The following KIF27 variants were observed in gnomAD, a reference collection of about 807,000 sequenced individuals.
KIF27 encodes kinesin family member 27.
In KIF27, 84 loss-of-function variants were observed where a neutral mutation model predicts 141.8. That is an observed-to-expected ratio of 0.59 (90% CI 0.50 to 0.71). The LOEUF (loss-of-function observed/expected upper bound fraction) is 0.71, where lower values mean the gene tolerates loss of function less well. Among genes scored for constraint, KIF27 ranks in the 30% least tolerant of loss-of-function variants. The probability of loss-of-function intolerance (pLI) is 0.00; values close to 1 mark genes in which losing one functional copy is unlikely to be tolerated. For missense variants in KIF27, 1,306 were observed against 1,628.4 expected, an observed-to-expected ratio of 0.80 and a Z score of 3.41; for synonymous variants, 471 against 569.5, an observed-to-expected ratio of 0.83 and a Z score of 2.46.
intron 1 of KIF27, among the ~76,000 whole-genome samples, chr9:83,917,525 A>C (rs897556686): frequency 2.0e-4 from 30 of 152,244 alleles, no homozygotes; most frequent in African/African-American, 7.0e-4. Flanking sequence ...GAAAAAGAAC[A>C]AAGTAAGAGG....
At chr9:83,919,910 A>C (rs1453306320) in intron 1 of KIF27, among the ~76,000 whole-genome samples, 1 of 151,536 alleles carries the variant, frequency 6.6e-6, no homozygotes, top group Non-Finnish European at 1.5e-5. Context: ...TTATAAAGGC[A>C]ACTGAAACTT....
rs147844470 is a variant in KIF27 at position 83,897,168 on chromosome 9, G to C, written c.1602+2493C>G. On this transcript the variant is annotated intron_variant, in intron 5 of 17. Transcript: ENST00000297814. ...GAACAACCAAGACATCTGGGGAGTG[G>C]GGAGGGAAGAAGAAAAGCAGAAGGC... is the stretch of plus-strand genomic sequence containing the variant. 8.6e-5 allele frequency among the ~76,000 whole-genome samples: 13 copies of C among 151,976 alleles called. No individual in the cohort carries two copies. In the East Asian group the frequency reaches 2.5e-3, roughly 29 times the overall value.
Position 83,899,713 on chromosome 9 carries a change from T to C in KIF27, c.1550A>G (p.Asn517Ser). 1 of 1,613,674 alleles carries C rather than the reference T, an allele frequency of 6.2e-7. No homozygotes were observed. The highest frequency in any genetic ancestry group is 1.3e-5 in the African/African-American group (1 of 75,058). The change falls in exon 5 of 18, where the codon AAC becomes AGC. Residue 517 changes from asparagine to serine, a missense_variant. This residue lies in a region of KIF27 where 29 missense variants were observed against 60.3 expected (regional missense o/e 0.48). Transcript: ENST00000297814. ...KNQVQMMVQE[N>S]KGHAVSLKEA... ...TTTCAAAGATACAGCATGCCCTTTG[T>C]TTTCCTGTACCATCATCTGCACTTG...
intron 13 of KIF27, among the ~76,000 whole-genome samples, chr9:83,864,779 A>G (rs1301170384): frequency 6.6e-6 from 1 of 152,172 alleles, no homozygotes. Context: ...TGAGGTGTTA[A>G]AAGTCTCCCA....
intron 3 of KIF27, among the ~76,000 whole-genome samples, chr9:83,907,902 T>C (rs1418912518): frequency 1.3e-5 from 2 of 152,206 alleles, no homozygotes; most frequent in Admixed American, 6.5e-5. Context: ...AATCAGTATC[T>C]TGCATTACAA....
chr9:83,896,440 T>C (rs1953266624), intron 5 of KIF27, among the ~76,000 whole-genome samples: 1 of 152,092 alleles, frequency 6.6e-6, no homozygotes, highest in Admixed American at 6.5e-5. Context: ...TTAGGGAATT[T>C]GAAAAATAAA....
At chr9:83,872,938 C>T (rs1055409143) in intron 11 of KIF27, among the ~76,000 whole-genome samples, 3 of 152,108 alleles carry the variant, frequency 2.0e-5, no homozygotes, top group Non-Finnish European at 2.9e-5. Flanking sequence ...CAGAGAGGTA[C>T]GATTAGGAAA....
At position 83,848,105 on chromosome 9, in the gene KIF27, ATC is replaced by A. The variant is rs1446245885; in HGVS notation, c.3556+1992_3556+1993del. ...ATATCATATATATGATATATATGAT[ATC>A]TCATATCTGATATATCTGATATCTC... On this transcript the variant is annotated intron_variant, in intron 16 of 17. Coordinates refer to ENST00000297814, the MANE Select transcript of KIF27 (RefSeq NM_017576.4). Among the ~76,000 whole-genome samples the A allele has an allele frequency of 3.3e-5, 2 of 60,096 alleles. 1 individual carries two copies. Among genetic ancestry groups the A allele is most frequent in the Non-Finnish European group, 5.9e-5 (2 of 33,702 alleles). 39.4% of individuals were successfully genotyped at this position (60,096 alleles called of 152,430 possible).
At chr9:83,877,966 C>T (rs188746981) in intron 11 of KIF27, among the ~76,000 whole-genome samples, 71 of 151,830 alleles carry the variant, frequency 4.7e-4, no homozygotes, top group Admixed American at 8.5e-4. Context: ...CAACTTCATC[C>T]ATCCTGGCTA....
At chr9:83,892,964 G>A (rs150186184) in intron 5 of KIF27, among the ~76,000 whole-genome samples, 1,701 of 152,350 alleles carry the variant, frequency 0.011, 35 homozygotes, top group East Asian at 0.056. Context: ...GCTGGGCACA[G>A]TGGCTCACAC....
At chr9:83,915,972 G>A (rs1473336161) in intron 1 of KIF27, among the ~76,000 whole-genome samples, 2 of 152,130 alleles carry the variant, frequency 1.3e-5, no homozygotes, top group Admixed American at 6.6e-5. Flanking sequence ...ATGTTTCCCA[G>A]TTCATTAATC....
At chr9:83,856,307 G>A (rs929511015) in intron 14 of KIF27, among the ~76,000 whole-genome samples, 1 of 152,084 alleles carries the variant, frequency 6.6e-6, no homozygotes, top group Admixed American at 6.6e-5. Flanking sequence ...AGATTTCCCT[G>A]TAAATTTTAT....
chr9:83,858,801 G>C, intron 14 of KIF27: 1 of 270,538 alleles, frequency 3.7e-6, no homozygotes, highest in Non-Finnish European at 7.1e-6. Context: ...AATATGTATA[G>C]AGAAAAGTCA....
At chr9:83,920,780 C>G (rs144388444) in intron 1 of KIF27, among the ~76,000 whole-genome samples, 2 of 152,040 alleles carry the variant, frequency 1.3e-5, no homozygotes, top group Non-Finnish European at 2.9e-5. Flanking sequence ...CACCTGCCTC[C>G]GAGGGAGGGA....
chr9:83,903,592 C>T lies in KIF27; in HGVS notation c.926G>A (p.Ser309Asn). ...ACATGTGATCATGACAGTCTTAGCA[C>T]TGCCTCCCAGAGAATCTTTCAGAAG... ...TRLLKDSLGG[S>N]AKTVMITCVS... The change falls in exon 4 of 18, where the codon AGT becomes AAT. Residue 309 changes from serine (S) to asparagine (N), a missense_variant. Around this residue, in one of 4 missense-constraint regions of KIF27, gnomAD observed 533 missense variants for 565.6 expected, o/e 0.94. Coordinates refer to ENST00000297814, the MANE Select transcript of KIF27 (RefSeq NM_017576.4). 1 of 1,614,174 alleles carries T rather than the reference C, an allele frequency of 6.2e-7. No individual in the cohort carries two copies. The highest frequency in any genetic ancestry group is 8.5e-7 in the Non-Finnish European group (1 of 1,180,034).
intron 11 of KIF27, among the ~76,000 whole-genome samples, chr9:83,871,626 A>T (rs1386072963): frequency 6.6e-6 from 1 of 152,118 alleles, no homozygotes; most frequent in Non-Finnish European, 1.5e-5. Flanking sequence ...GCAATATGAG[A>T]ATAGACTTGG....
At chr9:83,884,994 C>A (rs1416003018) in intron 9 of KIF27, among the ~76,000 whole-genome samples, 29 of 152,158 alleles carry the variant, frequency 1.9e-4, no homozygotes, top group Non-Finnish European at 2.9e-5. Context: ...TTGATTTGCT[C>A]TGAATAGGCA....
chr9:83,899,180 C>G (rs1030053883), intron 5 of KIF27, among the ~76,000 whole-genome samples: 6 of 151,872 alleles, frequency 4.0e-5, no homozygotes, highest in Non-Finnish European at 2.9e-5. Flanking sequence ...TATGTAGAGG[C>G]ATACTATGTT....
At position 83,874,343 on chromosome 9, in the gene KIF27, G is replaced by A. The variant is rs147300547; in HGVS notation, c.2644-3711C>T. ...GGAATTCTCATATCTTTTCTTCAAAGCCTATCCATGGACCTCAGTTAAGAA... is the reference window on the plus strand; with the variant it reads ...GGAATTCTCATATCTTTTCTTCAAAACCTATCCATGGACCTCAGTTAAGAA... On this transcript the variant is annotated intron_variant, in intron 11 of 17. Transcript: ENST00000297814. Among the ~76,000 whole-genome samples the A allele has an allele frequency of 8.7e-3, 1,332 of 152,258 alleles. 17 individuals carry two copies. The highest frequency in any genetic ancestry group is 0.03 in the African/African-American group (1,245 of 41,548).
Sources: allele counts gnomAD v4.1 joint callset (sites outside exome capture counted in the v4.1 genomes callset), GRCh38; gene constraint gnomAD v4.1.1; regional missense constraint gnomAD v4.1.1; transcripts MANE v1.5; gene names NCBI Gene and HGNC (gene_info 2026-07-23, HGNC 2026-07-21).